The following KCNQ1 variants were observed in gnomAD, a reference collection of about 807,000 sequenced individuals.
The protein encoded by KCNQ1 is potassium voltage-gated channel subfamily KQT member 1.
In KCNQ1, 49 loss-of-function variants were observed where a neutral mutation model predicts 72.4. That is an observed-to-expected ratio of 0.68 (90% CI 0.54 to 0.86). KCNQ1 has a LOEUF of 0.86. Among genes scored for constraint, KCNQ1 ranks in the 40% least tolerant of loss-of-function variants. The pLI is 0.00. For synonymous variants in KCNQ1, 450 were observed against 412.6 expected (o/e 1.09, Z -1.10); for missense variants, 790 against 945.1 (o/e 0.84, Z 2.15).
At position 2,674,532 on chromosome 11, in the gene KCNQ1, G is replaced by A. The variant is rs1850256899; in HGVS notation, c.1514+12451G>A. 3.0e-5 allele frequency: 12 copies of A among 398,466 alleles called. No individual in the cohort carries two copies. Among genetic ancestry groups the A allele is most frequent in the East Asian group, 2.8e-4 (8 of 28,082 alleles). 24.7% of individuals were successfully genotyped at this position (398,466 alleles called of 1,614,324 possible). A position where few individuals can be genotyped will look rare whatever the true frequency, so the allele number is the denominator to read the frequency against. ...TAGATGGCACTTGCAAAGCCCATTC[G>A]GAGGATTTAGACAAATACCTCGAGT... On this transcript the variant is annotated intron_variant, in intron 11 of 15. Transcript: ENST00000155840. The surrounding 1 kb of genome is among the most constrained non-coding windows in gnomAD (Gnocchi z 5.9).
chr11:2,574,006 A>T (rs1848380104), intron 6 of KCNQ1, among the ~76,000 whole-genome samples: 1 of 152,152 alleles, frequency 6.6e-6, no homozygotes, highest in African/African-American at 2.4e-5. Context: ...TCCCTCTGGG[A>T]GCTGGTGGCT....
At chr11:2,472,721 C>T (rs778035250) in intron 1 of KCNQ1, among the ~76,000 whole-genome samples, 1 of 152,090 alleles carries the variant, frequency 6.6e-6, no homozygotes, top group Non-Finnish European at 1.5e-5. Flanking sequence ...CCTCAGTCAG[C>T]CCCTGCCCAT....
At chr11:2,590,342 G>A (rs1848654554) in intron 10 of KCNQ1, among the ~76,000 whole-genome samples, 1 of 152,250 alleles carries the variant, frequency 6.6e-6, no homozygotes, top group Non-Finnish European at 1.5e-5. Context: ...GCACTTGCCC[G>A]ATGCTGCACT....
chr11:2,713,669 C>G lies in KCNQ1; in HGVS notation c.1514+51588C>G, dbSNP rs527413143. 4.6e-4 allele frequency among the ~76,000 whole-genome samples: 70 copies of G among 152,340 alleles called. No individual in the cohort carries two copies. Among genetic ancestry groups the G allele is most frequent in the African/African-American group, 1.6e-3 (65 of 41,574 alleles). ...GTTCTGGAGGCCACAGCCACAGGCT[C>G]TGCGGGCCTCTGGCCGAGCTGGGTT... On this transcript the variant is annotated intron_variant, in intron 11 of 15. Coordinates refer to ENST00000155840, the MANE Select transcript of KCNQ1 (RefSeq NM_000218.3). This position sits in a 1 kb window ranked among gnomAD's most constrained non-coding sequence, Gnocchi z 5.6.
At chr11:2,551,218 A>G (rs1479067760) in intron 2 of KCNQ1, among the ~76,000 whole-genome samples, 1 of 152,144 alleles carries the variant, frequency 6.6e-6, no homozygotes, top group African/African-American at 2.4e-5. Context: ...CCCAAAGTCA[A>G]GATCCAAGGT....
chr11:2,571,157 T>A (rs1848327274), intron 3 of KCNQ1, among the ~76,000 whole-genome samples, 168 bp from the exon 4 acceptor site: 1 of 152,150 alleles, frequency 6.6e-6, no homozygotes, highest in Non-Finnish European at 1.5e-5. Flanking sequence ...TCTCTCCGTT[T>A]AGATGCTGCC....
At chr11:2,533,703 G>C (rs900614529) in intron 2 of KCNQ1, among the ~76,000 whole-genome samples, 1 of 152,250 alleles carries the variant, frequency 6.6e-6, no homozygotes. Flanking sequence ...TGGCTCTCCT[G>C]TTTCTTGCCG....
intron 11 of KCNQ1, chr11:2,686,344 G>A (rs1451942920): frequency 2.5e-6 from 1 of 398,612 alleles, no homozygotes; most frequent in African/African-American, 2.1e-5. Context: ...TCCAAGCTGG[G>A]GGAGGAGTAT....
In KCNQ1 at chr11:2,715,691, C is replaced by G. The variant is rs575836509; in HGVS notation, c.1515-53153C>G. Among the ~76,000 whole-genome samples, 1 of 152,292 alleles carries G rather than the reference C, an allele frequency of 6.6e-6. No individual in the cohort carries two copies. The highest frequency in any genetic ancestry group is 2.1e-4 in the South Asian group (1 of 4,824). On this transcript the variant is annotated intron_variant, in intron 11 of 15. Transcript: ENST00000155840. The surrounding 1 kb of genome is among the most constrained non-coding windows in gnomAD (Gnocchi z 4.9). ...GACCTCTTGGGGGAAGGGGAACCAG[C>G]AAAGGGGGTATGGGGAGCCCTCTGG...
Position 2,704,405 on chromosome 11 carries a change from G to C in KCNQ1, c.1514+42324G>C, listed in dbSNP as rs1253045182. Among the ~76,000 whole-genome samples, 3 of 152,192 alleles carry C rather than the reference G, an allele frequency of 2.0e-5. No individual in the cohort carries two copies. The East Asian group carries it at 5.8e-4, about 29-fold the overall frequency. ...CATGTTTACTTGACTTCCTGCCCCA[G>C]GTCTCTGCTGTACCCACAGGTGGCA... On this transcript the variant is annotated intron_variant, in intron 11 of 15. Coordinates refer to ENST00000155840, the MANE Select transcript of KCNQ1 (RefSeq NM_000218.3). This position sits in a 1 kb window ranked among gnomAD's most constrained non-coding sequence, Gnocchi z 4.3.
At chr11:2,755,251 TTTG>T (rs375178714) in intron 11 of KCNQ1, among the ~76,000 whole-genome samples, 55 of 151,968 alleles carry the variant, frequency 3.6e-4, no homozygotes, top group African/African-American at 1.1e-3. Context: ...TGTTGTTGTT[TTTG>T]TTGTTGTTGT....
At chr11:2,572,709 CG>C in intron 5 of KCNQ1, 136 bp from the exon 6 acceptor site, 1 of 1,123,718 alleles carries the variant, frequency 8.9e-7, no homozygotes, top group East Asian at 2.6e-5. Context: ...ATATTGAAGC[CG>C]GCCCTGTGCA....
At position 2,673,930 on chromosome 11, in the gene KCNQ1, T is replaced by C. The variant is rs1459560812; in HGVS notation, c.1514+11849T>C. 6.5e-6 allele frequency: 2 copies of C among 309,188 alleles called. No individual in the cohort carries two copies. Among genetic ancestry groups the C allele is most frequent in the African/African-American group, 4.7e-5 (2 of 42,510 alleles). 19.2% of individuals were successfully genotyped at this position (309,188 alleles called of 1,614,324 possible). The stretch of plus-strand genomic sequence containing the variant: ...TCACCGGGTGCTAGACAAGGGAGTG[T>C]GTCTCTTTCCCCATGAGTGACAGCA... On this transcript the variant is annotated intron_variant, in intron 11 of 15. Transcript: ENST00000155840. The surrounding 1 kb of genome is among the most constrained non-coding windows in gnomAD (Gnocchi z 4.5).
chr11:2,802,875 C>G (rs1847296223), intron 15 of KCNQ1, among the ~76,000 whole-genome samples: 1 of 152,222 alleles, frequency 6.6e-6, no homozygotes, highest in African/African-American at 2.4e-5. Flanking sequence ...ACTCAGAGTC[C>G]AGAAGCCCCC....
intron 11 of KCNQ1, chr11:2,672,297 G>C (rs928742378): frequency 5.0e-6 from 2 of 398,548 alleles, no homozygotes; most frequent in African/African-American, 2.1e-5. Context: ...TGGGTGTGTG[G>C]GCTCCAGGTG....
chr11:2,614,404 CTT>C (rs1458749250), intron 10 of KCNQ1: 16 of 398,374 alleles, frequency 4.0e-5, no homozygotes, highest in Non-Finnish European at 6.6e-5. Context: ...TTCAGTGTCA[CTT>C]AGTACATTTA....
intron 10 of KCNQ1, chr11:2,630,604 T>C: frequency 2.5e-6 from 1 of 398,382 alleles, no homozygotes; most frequent in Non-Finnish European, 4.4e-6. Context: ...ATACTAGAGT[T>C]ATGTGATTTA....
chr11:2,612,522 G>A lies in KCNQ1; in HGVS notation c.1393+23668G>A. ...TTCTTTCTTCTGCCAGGTCAAATTT[G>A]CTTAGCCGCACTAGTGAGTTTTTCA... is the stretch of plus-strand genomic sequence containing the variant. On this transcript the variant is annotated intron_variant, in intron 10 of 15. Transcript: ENST00000155840. The surrounding 1 kb of genome is among the most constrained non-coding windows in gnomAD (Gnocchi z 5.5). The A allele has an allele frequency of 2.5e-6, 1 of 398,518 alleles. No individual in the cohort carries two copies. Among genetic ancestry groups the A allele is most frequent in the Admixed American group, 4.4e-5 (1 of 22,720 alleles). 24.7% of individuals were successfully genotyped at this position (398,518 alleles called of 1,614,324 possible).
At chr11:2,594,542 A>G (rs1402951093) in intron 10 of KCNQ1, among the ~76,000 whole-genome samples, 1 of 152,100 alleles carries the variant, frequency 6.6e-6, no homozygotes, top group Non-Finnish European at 1.5e-5. Flanking sequence ...AGAAACTTCT[A>G]TTTGACCATC....
Sources: allele counts gnomAD v4.1 joint callset (sites outside exome capture counted in the v4.1 genomes callset), GRCh38; gene constraint gnomAD v4.1.1; non-coding constraint Gnocchi (gnomAD v3.1); transcripts MANE v1.5; gene names NCBI Gene and HGNC (gene_info 2026-07-23, HGNC 2026-07-21).